The following PWWP3A variants were observed in gnomAD, a reference collection of about 807,000 sequenced individuals.
The protein encoded by PWWP3A is PWWP domain-containing DNA repair factor 3A.
PWWP3A carries 53 observed loss-of-function variants against 79.0 expected under a neutral mutation model. That is an observed-to-expected ratio of 0.67 (90% CI 0.54 to 0.84). The LOEUF (loss-of-function observed/expected upper bound fraction) is 0.84, where lower values mean the gene tolerates loss of function less well. PWWP3A is among the 40% of genes least tolerant of loss of function. The probability of loss-of-function intolerance (pLI) is 0.00; values close to 1 mark genes in which losing one functional copy is unlikely to be tolerated. For synonymous variants in PWWP3A, 443 were observed against 394.4 expected (o/e 1.12, Z -1.46); for missense variants, 973 against 948.0 (o/e 1.03, Z -0.35).
intron 2 of PWWP3A, 78 bp from the exon 3 acceptor site, chr19:1,356,931 C>A: frequency 8.9e-7 from 1 of 1,121,572 alleles, no homozygotes; most frequent in Non-Finnish European, 1.3e-6. Context: ...TTACCTGCTG[C>A]ATTTGTGCTA....
chr19:1,356,583 T>G, intron 2 of PWWP3A, 134 bp downstream of exon 2: 1 of 795,540 alleles, frequency 1.3e-6, no homozygotes, highest in Non-Finnish European at 2.0e-6. Flanking sequence ...CTGATTCTCG[T>G]TCCCCATTTA....
intron 13 of PWWP3A, among the ~76,000 whole-genome samples, chr19:1,374,863 T>G (rs1443621616): frequency 6.6e-6 from 1 of 152,128 alleles, no homozygotes; most frequent in South Asian, 2.1e-4. Context: ...GCCATCATTA[T>G]GCCACTGCAC....
At chr19:1,366,253 A>G in intron 7 of PWWP3A, 52 bp from the exon 8 acceptor site, 1 of 1,581,876 alleles carries the variant, frequency 6.3e-7, no homozygotes, top group Non-Finnish European at 8.7e-7. Context: ...AAATATTTAA[A>G]ATCCACGATC....
rs2082189268 is a variant in PWWP3A at position 1,368,936 on chromosome 19, TC to T, written c.1423-325del. On this transcript the variant is annotated intron_variant, in intron 9 of 13. Transcript: ENST00000591337. This position sits in a 1 kb window ranked among gnomAD's most constrained non-coding sequence, Gnocchi z 4.7. ...GTTCAGACCAGCCCAAGCCATCGGG[TC>T]CCCGGTGCCCACCTGCGTTCAGATC... is the stretch of plus-strand genomic sequence containing the variant. Among the ~76,000 whole-genome samples, 1 of 139,402 alleles carries T rather than the reference TC, an allele frequency of 7.2e-6. No individual in the cohort carries two copies. Among genetic ancestry groups the T allele is most frequent in the African/African-American group, 2.7e-5 (1 of 36,684 alleles). The allele number at this position is 139,402 out of a possible 152,430, so 91.5% of individuals were successfully genotyped here.
intron 12 of PWWP3A, chr19:1,372,267 C>G (rs1180947377): frequency 2.0e-5 from 3 of 152,342 alleles, no homozygotes; most frequent in Admixed American, 2.0e-4. Flanking sequence ...GCTCAGCACC[C>G]TGCAGCGCCT....
rs2082168399 is a variant in PWWP3A at position 1,368,150 on chromosome 19, C to G, written c.1422+930C>G. On this transcript the variant is annotated intron_variant, in intron 9 of 13. Coordinates refer to ENST00000591337, the MANE Select transcript of PWWP3A (RefSeq NM_001369789.1). The surrounding 1 kb of genome is among the most constrained non-coding windows in gnomAD (Gnocchi z 4.7). ...ATATTGGCCAGGTTGGTCTCGAACT[C>G]CTGACCTCATGATCCGCCTGCCTCA... 1.3e-5 allele frequency among the ~76,000 whole-genome samples: 2 copies of G among 152,114 alleles called. No homozygotes were observed. Among genetic ancestry groups the G allele is most frequent in the African/African-American group, 2.4e-5 (1 of 41,402 alleles).
chr19:1,359,941 G>A (rs1455534750), intron 4 of PWWP3A, 195 bp from the exon 5 acceptor site: 3 of 519,894 alleles, frequency 5.8e-6, no homozygotes, highest in African/African-American at 4.0e-5. Context: ...TCGAATCCCG[G>A]AATGAATAGC....
Position 1,366,354 on chromosome 19 carries a change from A to G in PWWP3A, c.1334A>G (p.Glu445Gly). 6.2e-7 allele frequency: 1 copy of G among 1,614,230 alleles called. No individual in the cohort carries two copies. The highest frequency in any genetic ancestry group is 8.5e-7 in the Non-Finnish European group (1 of 1,180,028). Residue 445 changes from glutamate to glycine, a missense_variant, in exon 8 of 14, where the codon GAA (glutamate) becomes GGA (glycine). Glu to Gly is a moderately conservative substitution (Grantham distance 98). Transcript: ENST00000591337. ...AAGAAAGCAAGTGTGCTATACATCGAAGGACACATGAACCCGAAAATGAAA... is the reference window on the plus strand; with the variant it reads ...AAGAAAGCAAGTGTGCTATACATCGGAGGACACATGAACCCGAAAATGAAA... ...RDKKASVLYI[E>G]GHMNPKMKGF...
At chr19:1,371,144 A>C in intron 12 of PWWP3A, 66 bp downstream of exon 12, 7 of 1,511,730 alleles carry the variant, frequency 4.6e-6, no homozygotes, top group Non-Finnish European at 4.5e-6. Context: ...GCAACTCCGC[A>C]CGAGGAGGCT....
At chr19:1,356,951 A>C (rs1285167880) in intron 2 of PWWP3A, 58 bp from the exon 3 acceptor site, 1 of 1,416,358 alleles carries the variant, frequency 7.1e-7, no homozygotes, top group East Asian at 2.3e-5. Flanking sequence ...AAAGTTTGCC[A>C]CTGTTTCTCA....
chr19:1,358,061 T>A (rs1480284618), intron 3 of PWWP3A: 1 of 282,156 alleles, frequency 3.5e-6, no homozygotes, highest in East Asian at 7.6e-5. Flanking sequence ...TTTAGTGACA[T>A]TACCATCTAC....
At chr19:1,376,486 A>G in intron 13 of PWWP3A, 33 bp from the exon 14 acceptor site, 2 of 1,605,040 alleles carry the variant, frequency 1.2e-6, no homozygotes, top group Non-Finnish European at 1.7e-6. Flanking sequence ...CACAATGATT[A>G]ATTACTAAAA....
chr19:1,375,566 A>AATAATATAATTTTATTTATTAT (rs1568965688), intron 13 of PWWP3A, among the ~76,000 whole-genome samples: 1 of 81,324 alleles, frequency 1.2e-5, no homozygotes. Context: ...TTATATATAA[A>AATAATATAATTTTATTTATTAT]ATATATTATA....
At chr19:1,371,183 C>T (rs1003434584) in intron 12 of PWWP3A, 105 bp downstream of exon 12, 20 of 1,349,424 alleles carry the variant, frequency 1.5e-5, no homozygotes, top group African/African-American at 4.3e-5. Flanking sequence ...GCTCCCTGGC[C>T]GTTCGGCGGC....
rs1301268592 is a variant in PWWP3A, at chr19:1,358,424, C to T, written c.174C>T (p.Ile58=). 6.2e-7 allele frequency: 1 copy of T among 1,613,576 alleles called. No individual in the cohort carries two copies. Among genetic ancestry groups the T allele is most frequent in the Non-Finnish European group, 8.5e-7 (1 of 1,179,586 alleles). Reference sequence around the variant, plus strand: ...AGGTGAAAAGCACTGAAGTTGAGATCCTAGAGAAGTCTCAAATTGAAGCCA... The same window carrying T: ...AGGTGAAAAGCACTGAAGTTGAGATTCTAGAGAAGTCTCAAATTGAAGCCA... ...KIKVKSTEVE[I]LEKSQIEAIA... The change falls in exon 4 of 14, where the codon ATC becomes ATT. Residue 58 remains isoleucine (I), a synonymous_variant. Transcript: ENST00000591337.
At position 1,360,320 on chromosome 19, in the gene PWWP3A, G is replaced by A. The variant is rs781651992; in HGVS notation, c.399G>A (p.Ser133=). 13 of 1,613,834 alleles carry A rather than the reference G, an allele frequency of 8.1e-6. No individual in the cohort carries two copies. In the East Asian group the frequency reaches 1.8e-4, roughly 22 times the overall value. The change falls in exon 5 of 14, where the codon TCG becomes TCA. Residue 133 remains serine, a synonymous_variant. Coordinates refer to ENST00000591337, the MANE Select transcript of PWWP3A (RefSeq NM_001369789.1). This position sits in a 1 kb window ranked among gnomAD's most constrained non-coding sequence, Gnocchi z 4.4. The stretch of plus-strand genomic sequence containing the variant: ...AGCATGTCTCCTCGCCCTGTGATTC[G>A]AACTCCTCATCTCTTCCCCGCGGAG... The part of the protein sequence containing the change: ...PMEHVSSPCD[S]NSSSLPRGDV...
At position 1,373,086 on chromosome 19, in the gene PWWP3A, G is replaced by A. The variant is rs142673331; in HGVS notation, c.2001G>A (p.Ala667=). 7 of 1,614,100 alleles carry A rather than the reference G, an allele frequency of 4.3e-6. No homozygotes were observed. The highest frequency in any genetic ancestry group is 1.3e-5 in the African/African-American group (1 of 74,950). ...CCCTCTCACAGGCCATCATCTGTGCGATCTCTGCGGTGGACGAGGTGGACT... is the reference window on the plus strand; with the variant it reads ...CCCTCTCACAGGCCATCATCTGTGCAATCTCTGCGGTGGACGAGGTGGACT... ...DVLLPEAIIC[A]ISAVDEVDYK... Residue 667 remains alanine, a synonymous_variant, in exon 13 of 14, where the codon GCG becomes GCA. Transcript: ENST00000591337.
At position 1,360,718 on chromosome 19, in the gene PWWP3A, C is replaced by T. The variant is rs1361742778; in HGVS notation, c.797C>T (p.Ala266Val). The change falls in exon 5 of 14, where the codon GCC becomes GTC. Residue 266 changes from alanine (A) to valine (V), a missense_variant. Physicochemically the swap from Ala to Val is moderately conservative, Grantham distance 64. Transcript: ENST00000591337. The surrounding 1 kb of genome is among the most constrained non-coding windows in gnomAD (Gnocchi z 4.4). ...GGGGTCAGGGAGGACGATCCCTGTG[C>T]CAACGCTGAGGGACACGACCCCGGT... is the stretch of plus-strand genomic sequence containing the variant. The part of the protein sequence containing the change: ...PSGVREDDPC[A>V]NAEGHDPGLP... The T allele has an allele frequency of 6.2e-7, 1 of 1,613,390 alleles. No homozygotes were observed. The highest frequency in any genetic ancestry group is 1.1e-5 in the South Asian group (1 of 91,044).
At position 1,369,471 on chromosome 19, in the gene PWWP3A, G is replaced by A; in HGVS notation, c.1499-125G>A. On this transcript the variant is annotated intron_variant, in intron 10 of 13. Coordinates refer to ENST00000591337, the MANE Select transcript of PWWP3A (RefSeq NM_001369789.1). The surrounding 1 kb of genome is among the most constrained non-coding windows in gnomAD (Gnocchi z 4.0). ...CGTGGGCCTGGGGCATTCCCTGTGG[G>A]TGGGCTGGGGTTCTGGCCTGGCCTG... 1 of 1,480,706 alleles carries A rather than the reference G, an allele frequency of 6.8e-7. No homozygotes were observed. The highest frequency in any genetic ancestry group is 2.3e-4 in the Middle Eastern group (1 of 4,400). 91.7% of individuals were successfully genotyped at this position (1,480,706 alleles called of 1,614,324 possible).
Sources: allele counts gnomAD v4.1 joint callset (sites outside exome capture counted in the v4.1 genomes callset), GRCh38; gene constraint gnomAD v4.1.1; non-coding constraint Gnocchi (gnomAD v3.1); transcripts MANE v1.5; gene names NCBI Gene and HGNC (gene_info 2026-07-23, HGNC 2026-07-21).